Variants in BZW1 observed in about 807,000 individuals in gnomAD.
BZW1 encodes the protein eIF5-mimic protein 2.
A neutral mutation model predicts 54.1 loss-of-function variants in BZW1; 3 were observed. The ratio of observed to expected loss-of-function variants is 0.06; its 90% CI spans 0.03 to 0.14. BZW1 has a LOEUF of 0.14. Ranked by LOEUF, BZW1 falls within the 10% of genes least tolerant of loss-of-function variation. The probability of loss-of-function intolerance (pLI) is 1.00; values close to 1 mark genes in which losing one functional copy is unlikely to be tolerated. For synonymous variants in BZW1, 152 were observed against 162.7 expected (o/e 0.93, Z 0.50); for missense variants, 206 against 491.7 (o/e 0.42, Z 5.50).
intron 2 of BZW1, 111 bp from the exon 3 acceptor site, chr2:200,815,230 A>T (rs1230482561): frequency 6.3e-6 from 7 of 1,108,234 alleles, no homozygotes; most frequent in Non-Finnish European, 8.8e-6. Context: ...CATGCAAAGG[A>T]TGTGAATTTA....
chr2:200,812,379 C>T (rs2038102645), intron 1 of BZW1: 3 of 1,285,762 alleles, frequency 2.3e-6, no homozygotes, highest in Non-Finnish European at 2.0e-6. Context: ...CCGCCGCCTC[C>T]GCCGCTGCTT....
chr2:200,824,863 G>A lies in BZW1; in HGVS notation c.*2685G>A, dbSNP rs2038651090. ...ATTTTTTTGTATTTTTAGTAGAGAC[G>A]AGGTTTCACCGGATTAGCGAGGATG... On this transcript the variant is annotated 3_prime_UTR_variant, in exon 12 of 12. Coordinates refer to ENST00000409600, the MANE Select transcript of BZW1 (RefSeq NM_001207067.2). The A allele has an allele frequency of 6.6e-6, 1 of 151,814 alleles. No homozygotes were observed. The highest frequency in any genetic ancestry group is 1.5e-5 in the Non-Finnish European group (1 of 67,966). The allele number at this position is 151,814 out of a possible 1,614,324, so 9.4% of individuals were successfully genotyped here.
chr2:200,819,948 G>A, intron 9 of BZW1, 34 bp from the exon 10 acceptor site: 1 of 1,460,906 alleles, frequency 6.8e-7, no homozygotes, highest in South Asian at 1.4e-5. Context: ...TATTTGTAAT[G>A]AATGACTAAA....
At position 200,823,284 on chromosome 2, in the gene BZW1, T is replaced by C. The variant is rs532952992; in HGVS notation, c.*1106T>C. ...TATACTCAGTAATGACTCAAGCCTC[T>C]GGCTATTAACATACCCTAGTTGCCG... On this transcript the variant is annotated 3_prime_UTR_variant, in exon 12 of 12. Coordinates refer to ENST00000409600, the MANE Select transcript of BZW1 (RefSeq NM_001207067.2). 2.1e-4 allele frequency: 35 copies of C among 165,104 alleles called. 1 individual carries two copies. The highest frequency in any genetic ancestry group is 8.4e-4 in the African/African-American group (35 of 41,608). 10.2% of individuals were successfully genotyped at this position (165,104 alleles called of 1,614,324 possible).
chr2:200,822,125 C>T, intron 11 of BZW1, 22 bp from the exon 12 acceptor site: 1 of 1,596,644 alleles, frequency 6.3e-7, no homozygotes, highest in Non-Finnish European at 8.6e-7. Context: ...TAATGTTTGA[C>T]TGTTTTTTTC....
rs1559318394 is a variant in BZW1 at position 200,826,407 on chromosome 2, A to AGATAGATAGATAGATT, written c.*4229_*4230insGATAGATAGATAGATT. ...TAGATAGATAGATAGATAGATAGAT[A>AGATAGATAGATAGATT]TTTTTTTTTTTTTTTTTTTTTTTTT... On this transcript the variant is annotated 3_prime_UTR_variant, in exon 12 of 12. Transcript: ENST00000409600. 25 of 54,946 alleles carry AGATAGATAGATAGATT rather than the reference A, an allele frequency of 4.5e-4. No individual in the cohort carries two copies. The highest frequency in any genetic ancestry group is 5.1e-4 in the African/African-American group (6 of 11,774). The allele number at this position is 54,946 out of a possible 1,614,324, so 3.4% of individuals were successfully genotyped here.
intron 11 of BZW1, among the ~76,000 whole-genome samples, chr2:200,821,563 TTTTTTTA>T: frequency 6.6e-6 from 1 of 152,092 alleles, no homozygotes; most frequent in Non-Finnish European, 1.5e-5. Flanking sequence ...CTTTTCTTTT[TTTTTTTA>T]ATTAAAAATA....
Position 200,824,062 on chromosome 2 carries a change from A to G in BZW1, c.*1884A>G, listed in dbSNP as rs1207874817. On this transcript the variant is annotated 3_prime_UTR_variant, in exon 12 of 12. Coordinates refer to ENST00000409600, the MANE Select transcript of BZW1 (RefSeq NM_001207067.2). ...TTCCATACAAAGTGTGCCATTTTAT[A>G]CTGTGTATAGTGAAAAAGTGTGTCA... 1 of 152,194 alleles carries G rather than the reference A, an allele frequency of 6.6e-6. No homozygotes were observed. Among genetic ancestry groups the G allele is most frequent in the African/African-American group, 2.4e-5 (1 of 41,456 alleles). 9.4% of individuals were successfully genotyped at this position (152,194 alleles called of 1,614,324 possible).
At chr2:200,819,127 C>G in intron 9 of BZW1, 3 of 513,506 alleles carry the variant, frequency 5.8e-6, no homozygotes, top group Non-Finnish European at 9.9e-6. Context: ...CACAATGGCT[C>G]ACGCCTGTAA....
rs372047179 is a variant in BZW1 at position 200,818,177 on chromosome 2, T to C, written c.649-46T>C. Reference sequence around the variant, plus strand: ...AGACTGTGAAAAGAAAGTGTTTTTCTTAATCTGATTTAAAGAAAGTTTAAC... The same window carrying C: ...AGACTGTGAAAAGAAAGTGTTTTTCCTAATCTGATTTAAAGAAAGTTTAAC... On this transcript the variant is annotated intron_variant, in intron 7 of 11. Coordinates refer to ENST00000409600, the MANE Select transcript of BZW1 (RefSeq NM_001207067.2). 2.3e-5 allele frequency: 35 copies of C among 1,517,068 alleles called. No homozygotes were observed. In the African/African-American group the frequency reaches 3.2e-4, roughly 14 times the overall value. 94.0% of individuals were successfully genotyped at this position (1,517,068 alleles called of 1,614,324 possible).
chr2:200,826,422 T>TGATAGATAGA lies in BZW1; in HGVS notation c.*4244_*4245insGATAGATAGA, dbSNP rs1559318464. 1.3e-4 allele frequency: 13 copies of TGATAGATAGA among 99,796 alleles called. No homozygotes were observed. The South Asian group carries it at 2.5e-3, about 19-fold the overall frequency. 6.2% of individuals were successfully genotyped at this position (99,796 alleles called of 1,614,324 possible). A position where few individuals can be genotyped will look rare whatever the true frequency, so the allele number is the denominator to read the frequency against. On this transcript the variant is annotated 3_prime_UTR_variant, in exon 12 of 12. Coordinates refer to ENST00000409600, the MANE Select transcript of BZW1 (RefSeq NM_001207067.2). Reference sequence around the variant, plus strand: ...ATAGATAGATATTTTTTTTTTTTTTTTTTTTTTTTTTTTTTTTTTTGAGAC... The same window carrying TGATAGATAGA: ...ATAGATAGATATTTTTTTTTTTTTTTGATAGATAGATTTTTTTTTTTTTTTTTTTTGAGAC...
Position 200,812,298 on chromosome 2 carries a change from C to T in BZW1, c.-11+308C>T, listed in dbSNP as rs1011995553. 18 of 1,235,568 alleles carry T rather than the reference C, an allele frequency of 1.5e-5. No homozygotes were observed. The African/African-American group carries it at 1.9e-4, about 13-fold the overall frequency. 76.5% of individuals were successfully genotyped at this position (1,235,568 alleles called of 1,614,324 possible). A position where few individuals can be genotyped will look rare whatever the true frequency, so the allele number is the denominator to read the frequency against. The stretch of plus-strand genomic sequence containing the variant: ...CTGGCTAACAAAGCCGCCGCGGCCT[C>T]TGTTGTGTGATGTACGCGTGGGGGC... On this transcript the variant is annotated intron_variant, in intron 1 of 11. Transcript: ENST00000409600.
Position 200,826,391 on chromosome 2 carries a change from AGATAGATAGATAGATATTTTTTTTTTTTT to A in BZW1, c.*4214_*4242del, listed in dbSNP as rs2038691417. 2 of 113,662 alleles carry A rather than the reference AGATAGATAGATAGATATTTTTTTTTTTTT, an allele frequency of 1.8e-5. No individual in the cohort carries two copies. Among genetic ancestry groups the A allele is most frequent in the South Asian group, 3.0e-4 (1 of 3,322 alleles). 7.0% of individuals were successfully genotyped at this position (113,662 alleles called of 1,614,324 possible). On this transcript the variant is annotated 3_prime_UTR_variant, in exon 12 of 12. Transcript: ENST00000409600. ...TGAAGATATAGATAGATAGATAGAT[AGATAGATAGATAGATATTTTTTTTTTTTT>A]TTTTTTTTTTTTTTTTTTTTTTGAG...
In BZW1 at chr2:200,818,777, A is replaced by G; in HGVS notation, c.842A>G (p.Glu281Gly). ...FKDIILYVKE[E>G]MKKNNIPEPV... ...CAGATAATTTTATATGTCAAGGAGG[A>G]GATGAAAAAAAACAACATCCCAGAG... is the stretch of plus-strand genomic sequence containing the variant. Residue 281 changes from glutamate to glycine, a missense_variant, in exon 9 of 12, where the codon GAG becomes GGG. By Grantham distance (98) the Glu-to-Gly change is moderately conservative. Around this residue, in one of 5 missense-constraint regions of BZW1, gnomAD observed 31 missense variants for 29.1 expected, o/e 1.07. Transcript: ENST00000409600. The G allele has an allele frequency of 6.3e-7, 1 of 1,586,674 alleles. No individual in the cohort carries two copies. Among genetic ancestry groups the G allele is most frequent in the Non-Finnish European group, 8.5e-7 (1 of 1,173,378 alleles).
At chr2:200,819,563 CT>C (rs370828707) in intron 9 of BZW1, among the ~76,000 whole-genome samples, 22 of 145,348 alleles carry the variant, frequency 1.5e-4, no homozygotes, top group South Asian at 6.5e-4. Context: ...AGATTTTCTG[CT>C]TTTTTTTTTT....
At chr2:200,821,119 T>G (rs1349412292) in intron 10 of BZW1, 64 bp from the exon 11 acceptor site, 2 of 1,557,924 alleles carry the variant, frequency 1.3e-6, no homozygotes, top group Non-Finnish European at 1.7e-6. Flanking sequence ...GCACATTAGG[T>G]GGTGGTTCTA....
intron 9 of BZW1, 138 bp from the exon 10 acceptor site, chr2:200,819,844 A>T: frequency 1.2e-6 from 1 of 860,302 alleles, no homozygotes; most frequent in Non-Finnish European, 1.6e-6. Context: ...CCTATTTTTT[A>T]AATTTCTGGT....
chr2:200,820,285 G>C, intron 10 of BZW1, 165 bp downstream of exon 10: 2 of 564,682 alleles, frequency 3.5e-6, no homozygotes, highest in Non-Finnish European at 6.0e-6. Flanking sequence ...ACTGATACTT[G>C]TTTAAAACAT....
chr2:200,815,216 G>GA, intron 2 of BZW1, 125 bp from the exon 3 acceptor site: 1 of 1,017,976 alleles, frequency 9.8e-7, no homozygotes, highest in Non-Finnish European at 1.4e-6. Flanking sequence ...TTGCAGAGGG[G>GA]AAACATGCAA....
Sources: gnomAD v4.1 joint callset for allele counts (sites outside exome capture counted in the v4.1 genomes callset) on GRCh38, gnomAD v4.1.1 for gene constraint, gnomAD v4.1.1 regional missense constraint, MANE v1.5 for transcripts, NCBI Gene and HGNC (gene_info 2026-07-23, HGNC 2026-07-21) for gene names.